The following ST3GAL3 variants were observed in gnomAD, a reference collection of about 807,000 sequenced individuals.
ST3GAL3 encodes the protein CMP-N-acetylneuraminate-beta-1,4-galactoside alpha-2,3-sialyltransferase.
Under a neutral mutation model 50.1 loss-of-function variants are expected in ST3GAL3, and 21 were observed. The observed-to-expected ratio is 0.42, with a 90% CI of 0.30 to 0.60. The LOEUF (loss-of-function observed/expected upper bound fraction) is 0.60, where lower values mean the gene tolerates loss of function less well. Ranked by LOEUF, ST3GAL3 falls within the 20% of genes least tolerant of loss-of-function variation. The probability of loss-of-function intolerance (pLI) is 0.19; values close to 1 mark genes in which losing one functional copy is unlikely to be tolerated. For missense variants in ST3GAL3, 353 were observed against 489.4 expected (o/e 0.72, Z 2.63); for synonymous variants, 183 against 190.0 (o/e 0.96, Z 0.30).
rs74073321 is a variant in ST3GAL3 at position 43,879,177 on chromosome 1, G to A, written c.303-15206G>A. The A allele has an allele frequency of 5.0e-3, 2,238 of 443,686 alleles. 42 individuals are homozygous for A. Among genetic ancestry groups the A allele is most frequent in the African/African-American group, 0.038 (1,866 of 49,472 alleles). 27.5% of individuals were successfully genotyped at this position (443,686 alleles called of 1,614,324 possible). On this transcript the variant is annotated intron_variant, in intron 5 of 11. Transcript: ENST00000347631. ...ACCAGCCTTGGAAAGATGCAGAGCCGTTGTGGAAAGGTCCAGACTCAGAAA... is the reference window on the plus strand; with the variant it reads ...ACCAGCCTTGGAAAGATGCAGAGCCATTGTGGAAAGGTCCAGACTCAGAAA...
At chr1:43,881,033 C>T (rs558596576) in intron 5 of ST3GAL3, among the ~76,000 whole-genome samples, 15 of 151,520 alleles carry the variant, frequency 9.9e-5, no homozygotes, top group East Asian at 3.9e-4. Flanking sequence ...TCCTTTGAGA[C>T]GGAGTCTCAC....
chr1:43,884,934 A>G (rs1006536904), intron 5 of ST3GAL3, among the ~76,000 whole-genome samples: 2 of 152,194 alleles, frequency 1.3e-5, no homozygotes, highest in African/African-American at 2.4e-5. Flanking sequence ...GTGCCCACAC[A>G]TAACTACTCC....
intron 1 of ST3GAL3, among the ~76,000 whole-genome samples, chr1:43,729,661 A>G (rs956309614): frequency 1.3e-5 from 2 of 152,152 alleles, no homozygotes; most frequent in African/African-American, 4.8e-5. Context: ...TTAGAAAGGA[A>G]GGGATAGAGG....
At chr1:43,876,389 A>G (rs969066468) in intron 5 of ST3GAL3, among the ~76,000 whole-genome samples, 11 of 152,178 alleles carry the variant, frequency 7.2e-5, no homozygotes, top group African/African-American at 2.7e-4. Flanking sequence ...TAGAACATCA[A>G]GACTGGAAGA....
chr1:43,793,207 C>T lies in ST3GAL3; in HGVS notation c.166+1058C>T, dbSNP rs1018705719. ...ACACCTCTCAGCTATCTCTTACAAT[C>T]GCTTTTTATTTTTATTTTTTTTATT... On this transcript the variant is annotated intron_variant, in intron 3 of 11. Transcript: ENST00000347631. Among the ~76,000 whole-genome samples, 4 of 152,010 alleles carry T rather than the reference C, an allele frequency of 2.6e-5. No individual in the cohort carries two copies. The South Asian group carries it at 8.3e-4, about 32-fold the overall frequency.
chr1:43,907,430 C>T (rs2079989703), intron 9 of ST3GAL3, among the ~76,000 whole-genome samples: 1 of 152,178 alleles, frequency 6.6e-6, no homozygotes, highest in Non-Finnish European at 1.5e-5. Context: ...AGTAGCATCT[C>T]AGTGCTGCTT....
chr1:43,765,780 TGTGTGCGCGC>T (rs1234145674), intron 2 of ST3GAL3, among the ~76,000 whole-genome samples: 62 of 138,900 alleles, frequency 4.5e-4, no homozygotes, highest in Non-Finnish European at 8.4e-4. Context: ...TGTGTGTGTG[TGTGTGCGCGC>T]GCGCGCGCGC....
chr1:43,721,610 T>A (rs1670515790), intron 1 of ST3GAL3, among the ~76,000 whole-genome samples: 1 of 145,502 alleles, frequency 6.9e-6, no homozygotes, highest in Non-Finnish European at 1.5e-5. Flanking sequence ...GGCTCTTTTT[T>A]TGTTTTGTTT....
At chr1:43,718,673 C>T (rs1416139840) in intron 1 of ST3GAL3, among the ~76,000 whole-genome samples, 1 of 133,422 alleles carries the variant, frequency 7.5e-6, no homozygotes, top group Non-Finnish European at 1.6e-5. Flanking sequence ...TATCCTTCTG[C>T]TACATCTTTT....
chr1:43,845,124 A>T (rs955357537), intron 5 of ST3GAL3, among the ~76,000 whole-genome samples: 2 of 151,968 alleles, frequency 1.3e-5, no homozygotes, highest in Non-Finnish European at 2.9e-5. Context: ...GCTGGATTAC[A>T]GGTGTGCACC....
chr1:43,858,141 G>A, intron 5 of ST3GAL3: 1 of 1,289,418 alleles, frequency 7.8e-7, no homozygotes, highest in South Asian at 1.2e-5. Flanking sequence ...CCAGAGCTAA[G>A]AGAAATGGTG....
chr1:43,810,508 C>T (rs2060435376), intron 3 of ST3GAL3, among the ~76,000 whole-genome samples: 1 of 152,138 alleles, frequency 6.6e-6, no homozygotes, highest in African/African-American at 2.4e-5. Flanking sequence ...ATGCATTTTC[C>T]TGGGAGATTT....
intron 9 of ST3GAL3, among the ~76,000 whole-genome samples, chr1:43,905,812 C>T (rs971195703): frequency 1.5e-5 from 2 of 133,362 alleles, no homozygotes; most frequent in Admixed American, 1.5e-4. Flanking sequence ...TCCCCTCTTC[C>T]TGTTTCTCTT....
At chr1:43,905,595 C>T (rs1260838111) in intron 9 of ST3GAL3, among the ~76,000 whole-genome samples, 6 of 24,212 alleles carry the variant, frequency 2.5e-4, no homozygotes, top group African/African-American at 5.0e-4. Context: ...CTTCTCTTCC[C>T]GCCACTGTTT....
intron 7 of ST3GAL3, chr1:43,898,567 T>C: frequency 1.9e-6 from 1 of 533,286 alleles, no homozygotes; most frequent in Non-Finnish European, 3.4e-6. Flanking sequence ...GGGCTGGGAC[T>C]AGCCCAGCAA....
chr1:43,835,062 C>T (rs2064109823), intron 4 of ST3GAL3, among the ~76,000 whole-genome samples: 1 of 152,148 alleles, frequency 6.6e-6, no homozygotes, highest in African/African-American at 2.4e-5. Context: ...TAACACTCTT[C>T]ACCCCAGGGG....
intron 9 of ST3GAL3, among the ~76,000 whole-genome samples, chr1:43,901,567 G>A (rs939125900): frequency 1.3e-5 from 2 of 152,224 alleles, no homozygotes; most frequent in Admixed American, 6.5e-5. Flanking sequence ...AGCTAGAGTC[G>A]GAGAACTCAC....
intron 5 of ST3GAL3, among the ~76,000 whole-genome samples, chr1:43,856,955 T>C (rs1029669892): frequency 1.3e-5 from 2 of 151,744 alleles, no homozygotes; most frequent in Non-Finnish European, 2.9e-5. Flanking sequence ...TTTTTTTTTT[T>C]AGATCTCCTT....
At chr1:43,878,895 C>T (rs1322126084) in intron 5 of ST3GAL3, 4 of 383,172 alleles carry the variant, frequency 1.0e-5, no homozygotes, top group Non-Finnish European at 2.1e-5. Flanking sequence ...TACTGGGGGG[C>T]ATGACAGTGA....
Sources: allele counts gnomAD v4.1 joint callset (sites outside exome capture counted in the v4.1 genomes callset), GRCh38; gene constraint gnomAD v4.1.1; transcripts MANE v1.5; gene names NCBI Gene and HGNC (gene_info 2026-07-23, HGNC 2026-07-21).